SLC39A13: variants seen among roughly 807,000 people sequenced by gnomAD.
SLC39A13 encodes zinc transporter ZIP13.
Under a neutral mutation model 38.7 loss-of-function variants are expected in SLC39A13, and 18 were observed. The observed-to-expected ratio is 0.47, with a 90% CI of 0.32 to 0.69. SLC39A13 has a LOEUF of 0.69. Among genes scored for constraint, SLC39A13 ranks in the 30% least tolerant of loss-of-function variants. SLC39A13 has a pLI of 0.03. For missense variants in SLC39A13, 395 were observed against 490.7 expected, an observed-to-expected ratio of 0.80 and a Z score of 1.84; for synonymous variants, 212 against 219.1, an observed-to-expected ratio of 0.97 and a Z score of 0.29.
At chr11:47,408,349 G>A (rs2095979702), upstream of SLC39A13, among the ~76,000 whole-genome samples, 1 of 152,102 alleles carries the variant, frequency 6.6e-6, no homozygotes, top group Non-Finnish European at 1.5e-5. Flanking sequence ...GCTGAGCGCG[G>A]TGCGTGTGGC....
chr11:47,412,028 G>T lies in SLC39A13; in HGVS notation c.404G>T (p.Ser135Ile), dbSNP rs1283121624. ...LLPEAWAYTC[S>I]ASPGGEGQSL... is the part of the protein sequence containing the mutation. ...CCCGAAGCCTGGGCCTACACGTGCA[G>T]CGCCAGCCCTGGTAAGTGAGGCCAC... The change falls in exon 3 of 10, where the codon AGC becomes ATC. Residue 135 changes from serine (S) to isoleucine (I), a missense_variant. Coordinates refer to ENST00000362021, the MANE Select transcript of SLC39A13 (RefSeq NM_001128225.3). The T allele has an allele frequency of 1.2e-6, 2 of 1,610,394 alleles. No homozygotes were observed. Among genetic ancestry groups the T allele is most frequent in the Non-Finnish European group, 8.5e-7 (1 of 1,178,652 alleles).
chr11:47,413,516 C>T lies in SLC39A13; in HGVS notation c.645+9C>T, dbSNP rs754497383. ...TGGTCCGGAGCATCAAAGTGAGTGG[C>T]CTGCTCAGGGCCCCTGCAGCCGTAC... On this transcript the variant is annotated intron_variant, in intron 5 of 9. Transcript: ENST00000362021. 1 of 1,614,016 alleles carries T rather than the reference C, an allele frequency of 6.2e-7. No homozygotes were observed. The highest frequency in any genetic ancestry group is 1.1e-5 in the South Asian group (1 of 91,080).
In SLC39A13 at chr11:47,415,580, G is replaced by A. The variant is rs2096023689; in HGVS notation, c.*217G>A. The A allele has an allele frequency of 1.5e-6, 1 of 658,790 alleles. No individual in the cohort carries two copies. The highest frequency in any genetic ancestry group is 2.7e-5 in the East Asian group (1 of 36,540). 40.8% of individuals were successfully genotyped at this position (658,790 alleles called of 1,614,324 possible). ...ACTGTGATCCCTGTGCTGGGTCCGG[G>A]GCCCAGTGTAGCGCCTGTCCCCAGC... On this transcript the variant is annotated 3_prime_UTR_variant, in exon 10 of 10. Coordinates refer to ENST00000362021, the MANE Select transcript of SLC39A13 (RefSeq NM_001128225.3).
intron 4 of SLC39A13, 105 bp from the exon 5 acceptor site, chr11:47,413,295 T>G: frequency 8.4e-7 from 1 of 1,196,524 alleles, no homozygotes; most frequent in Non-Finnish European, 1.2e-6. Flanking sequence ...CATGAGCCAC[T>G]GCACCCAGCC....
rs376831468 is a variant in SLC39A13 at position 47,415,038 on chromosome 11, G to A, written c.920-1G>A. On this transcript the variant is annotated splice_acceptor_variant, in intron 8 of 9. Transcript: ENST00000362021. LOFTEE classifies it high-confidence loss of function. ...GCACACACAGTGCCTTGGGTACCCA[G>A]TTGGGTGTTCTCCCGCTGCAGAGGA... 5.8e-5 allele frequency: 94 copies of A among 1,613,314 alleles called. No individual in the cohort carries two copies. The highest frequency in any genetic ancestry group is 1.7e-4 in the Middle Eastern group (1 of 6,026).
chr11:47,414,257 G>A (rs950585670), intron 6 of SLC39A13, 168 bp from the exon 7 acceptor site: 9 of 725,422 alleles, frequency 1.2e-5, no homozygotes, highest in Middle Eastern at 2.5e-4. Context: ...CGCTAGCTTC[G>A]TGAAGGCAGG....
chr11:47,415,560 G>A lies in SLC39A13; in HGVS notation c.*197G>A. ...GGTGTGTGCGCGAGACCGACACTGT[G>A]ATCCCTGTGCTGGGTCCGGGGCCCA... On this transcript the variant is annotated 3_prime_UTR_variant, in exon 10 of 10. Coordinates refer to ENST00000362021, the MANE Select transcript of SLC39A13 (RefSeq NM_001128225.3). 1.5e-6 allele frequency: 1 copy of A among 685,244 alleles called. No homozygotes were observed. Among genetic ancestry groups the A allele is most frequent in the South Asian group, 1.7e-5 (1 of 59,932 alleles). The allele number at this position is 685,244 out of a possible 1,614,324, so 42.4% of individuals were successfully genotyped here.
In SLC39A13 at chr11:47,413,488, C is replaced by T. The variant is rs1417238055; in HGVS notation, c.626C>T (p.Ala209Val). ...AQPAAEPGLG[A>V]VVRSIKVSGY... The stretch of plus-strand genomic sequence containing the variant: ...CCGGCTGCAGAGCCCGGCCTCGGTG[C>T]CGTGGTCCGGAGCATCAAAGTGAGT... Residue 209 changes from alanine (A) to valine (V), a missense_variant, in exon 5 of 10, where the codon GCC becomes GTC. Transcript: ENST00000362021. 2 of 1,614,082 alleles carry T rather than the reference C, an allele frequency of 1.2e-6. No individual in the cohort carries two copies. The highest frequency in any genetic ancestry group is 1.3e-5 in the African/African-American group (1 of 75,062).
chr11:47,412,716 T>C (rs1050492628), intron 4 of SLC39A13, among the ~76,000 whole-genome samples: 6 of 151,606 alleles, frequency 4.0e-5, no homozygotes, highest in Admixed American at 1.3e-4. Flanking sequence ...CCAACTGATA[T>C]AGCAGCAGAG....
At chr11:47,414,516 A>G in intron 7 of SLC39A13, 41 bp downstream of exon 7, 1 of 1,602,750 alleles carries the variant, frequency 6.2e-7, no homozygotes. Context: ...CCAGGCCCCC[A>G]CAGTGCCCAT....
At position 47,415,444 on chromosome 11, in the gene SLC39A13, G is replaced by C; in HGVS notation, c.*81G>C. 4 of 1,508,094 alleles carry C rather than the reference G, an allele frequency of 2.7e-6. No individual in the cohort carries two copies. The South Asian group carries it at 3.4e-5, about 13-fold the overall frequency. The allele number at this position is 1,508,094 out of a possible 1,614,324, so 93.4% of individuals were successfully genotyped here. ...TCTGTGACCGCATATGTGAGAGGCA[G>C]AGAGGGCGAGTGGCTGCGAGAGAGA... is the stretch of plus-strand genomic sequence containing the variant. On this transcript the variant is annotated 3_prime_UTR_variant, in exon 10 of 10. Coordinates refer to ENST00000362021, the MANE Select transcript of SLC39A13 (RefSeq NM_001128225.3).
At position 47,415,757 on chromosome 11, in the gene SLC39A13, A is replaced by G; in HGVS notation, c.*394A>G. On this transcript the variant is annotated 3_prime_UTR_variant, in exon 10 of 10. Coordinates refer to ENST00000362021, the MANE Select transcript of SLC39A13 (RefSeq NM_001128225.3). ...AAGGATCCAGGGTGCAGGGAACTCC[A>G]GAGCTGCCCACCTCCCACTGCCCCC... 2.9e-6 allele frequency: 1 copy of G among 346,480 alleles called. No homozygotes were observed. The highest frequency in any genetic ancestry group is 5.6e-6 in the Non-Finnish European group (1 of 179,790). The allele number at this position is 346,480 out of a possible 1,614,324, so 21.5% of individuals were successfully genotyped here.
chr11:47,412,022 C>G lies in SLC39A13; in HGVS notation c.398C>G (p.Thr133Arg). The change falls in exon 3 of 10, where the codon ACG becomes AGG. Residue 133 changes from threonine (T) to arginine (R), a missense_variant. Coordinates refer to ENST00000362021, the MANE Select transcript of SLC39A13 (RefSeq NM_001128225.3). ...CTGCTGCCCGAAGCCTGGGCCTACACGTGCAGCGCCAGCCCTGGTAAGTGA... is the reference window on the plus strand; with the variant it reads ...CTGCTGCCCGAAGCCTGGGCCTACAGGTGCAGCGCCAGCCCTGGTAAGTGA... ...LHLLPEAWAY[T>R]CSASPGGEGQ... 1 of 1,611,386 alleles carries G rather than the reference C, an allele frequency of 6.2e-7. No individual in the cohort carries two copies. Among genetic ancestry groups the G allele is most frequent in the East Asian group, 2.2e-5 (1 of 44,846 alleles).
chr11:47,409,433 AG>A (rs1224796807), intron 1 of SLC39A13, among the ~76,000 whole-genome samples: 1 of 152,174 alleles, frequency 6.6e-6, no homozygotes, highest in Non-Finnish European at 1.5e-5. Context: ...TGAGGCTCAG[AG>A]GGGGGGCTTC....
intron 2 of SLC39A13, 120 bp downstream of exon 2, chr11:47,410,515 T>C: frequency 1.5e-6 from 2 of 1,328,258 alleles, no homozygotes; most frequent in Non-Finnish European, 2.1e-6. Flanking sequence ...AGAATAGAAC[T>C]TCTCCCCTTG....
At chr11:47,411,834 G>T in intron 2 of SLC39A13, 92 bp from the exon 3 acceptor site, 1 of 1,268,932 alleles carries the variant, frequency 7.9e-7, no homozygotes, top group Non-Finnish European at 1.1e-6. Flanking sequence ...AGCCTTGCAG[G>T]CCCAGAAAGA....
chr11:47,410,542 C>A, intron 2 of SLC39A13, 147 bp downstream of exon 2: 1 of 1,154,094 alleles, frequency 8.7e-7, no homozygotes, highest in South Asian at 1.3e-5. Context: ...TAGGAGCTAT[C>A]TAGCCAGGGG....
chr11:47,414,279 C>T (rs2096014627), intron 6 of SLC39A13, 146 bp from the exon 7 acceptor site: 2 of 877,128 alleles, frequency 2.3e-6, no homozygotes, highest in East Asian at 2.6e-5. Flanking sequence ...TCCTTGTCCC[C>T]TTTAGTCACT....
Position 47,414,442 on chromosome 11 carries a change from C to T in SLC39A13, c.753C>T (p.Thr251=), listed in dbSNP as rs2096015429. ...LVSKKIGLLT[T]MAILLHEIPH... is the part of the protein sequence containing the mutation. Reference sequence around the variant, plus strand: ...CCCTGCAGATCGGGCTCCTGACAACCATGGCCATCCTCCTGCATGAGATCC... The same window carrying T: ...CCCTGCAGATCGGGCTCCTGACAACTATGGCCATCCTCCTGCATGAGATCC... The change falls in exon 7 of 10, where the codon ACC becomes ACT. Residue 251 remains threonine, a synonymous_variant. Coordinates refer to ENST00000362021, the MANE Select transcript of SLC39A13 (RefSeq NM_001128225.3). 1.2e-6 allele frequency: 2 copies of T among 1,611,690 alleles called. No homozygotes were observed. Among genetic ancestry groups the T allele is most frequent in the Admixed American group, 3.4e-5 (2 of 59,690 alleles).
Sources: gnomAD v4.1 joint callset for allele counts (sites outside exome capture counted in the v4.1 genomes callset) on GRCh38, gnomAD v4.1.1 for gene constraint, MANE v1.5 for transcripts, NCBI Gene and HGNC (gene_info 2026-07-23, HGNC 2026-07-21) for gene names.